SMIM9: variants seen among roughly 807,000 people sequenced by gnomAD.
SMIM9 encodes chromosome X open reading frame 68.
SMIM9 carries 8 observed loss-of-function variants against 7.2 expected under a neutral mutation model. That is an observed-to-expected ratio of 1.10 (90% CI 0.65 to 1.99). The LOEUF is 1.99. Ranked by LOEUF, SMIM9 falls within the 30% of genes most tolerant of loss-of-function variation. SMIM9 has a pLI of 0.00. For synonymous variants in SMIM9, 19 were observed against 26.4 expected, an observed-to-expected ratio of 0.72 and a Z score of 0.86; for missense variants, 76 against 69.3, an observed-to-expected ratio of 1.10 and a Z score of -0.34.
chrX:154,826,039 G>A (rs1246449845), intron 4 of SMIM9, among the ~76,000 whole-genome samples: 1 of 109,631 alleles, frequency 9.1e-6, no homozygotes, highest in Non-Finnish European at 1.9e-5. Context: ...CCTGCACGTT[G>A]TGCACATGTA....
intron 3 of SMIM9, among the ~76,000 whole-genome samples, chrX:154,830,029 GC>G (rs1761755606): frequency 9.0e-6 from 1 of 111,725 alleles, no homozygotes; most frequent in Non-Finnish European, 1.9e-5. Context: ...CCTGCAGGAG[GC>G]TGAGGAGAGG....
intron 4 of SMIM9, 98 bp downstream of exon 4, chrX:154,829,437 A>G: frequency 2.0e-6 from 2 of 985,183 alleles, no homozygotes; most frequent in Non-Finnish European, 2.7e-6. Context: ...ACTTTCCCTT[A>G]ATTACAGATA....
chrX:154,824,310 C>G (rs1417597935), intron 4 of SMIM9, among the ~76,000 whole-genome samples: 1 of 90,655 alleles, frequency 1.1e-5, no homozygotes, highest in Non-Finnish European at 2.1e-5. Context: ...GAGCCGAGAT[C>G]ACGCCACTGC....
chrX:154,830,824 A>T lies in SMIM9; in HGVS notation c.33T>A (p.Phe11Leu). 2 of 1,167,015 alleles carry T rather than the reference A, an allele frequency of 1.7e-6. No homozygotes were observed. The highest frequency in any genetic ancestry group is 2.3e-6 in the Non-Finnish European group (2 of 872,602). The change falls in exon 3 of 5, where the codon TTT becomes TTA. Residue 11 changes from phenylalanine to leucine, a missense_variant. Coordinates refer to ENST00000369529, the MANE Select transcript of SMIM9 (RefSeq NM_001162936.4). ...AGAGGCAAGTTAGAGAGCATAGCAGAAATCCAATTATCAGCAGCTTCTGGG... is the reference window on the plus strand; with the variant it reads ...AGAGGCAAGTTAGAGAGCATAGCAGTAATCCAATTATCAGCAGCTTCTGGG... MEPQKLLIIGFLLCSLTCLLL... is the reference protein window; with the variant it reads MEPQKLLIIGLLLCSLTCLLL...
chrX:154,828,185 TG>T (rs782605798), intron 4 of SMIM9, among the ~76,000 whole-genome samples: 1 of 112,012 alleles, frequency 8.9e-6, no homozygotes, highest in Non-Finnish European at 1.9e-5. Context: ...CACTCATCAC[TG>T]TGTCCAGCTC....
chrX:154,828,500 A>T (rs1404664230), intron 4 of SMIM9, among the ~76,000 whole-genome samples: 5 of 111,272 alleles, frequency 4.5e-5, no homozygotes, highest in African/African-American at 1.6e-4. Context: ...GGGAGGCTCT[A>T]CTGATCCATT....
chrX:154,830,839 C>G lies in SMIM9; in HGVS notation c.18G>C (p.Leu6=). 3 of 1,167,191 alleles carry G rather than the reference C, an allele frequency of 2.6e-6. No homozygotes were observed. In the African/African-American group the frequency reaches 5.3e-5, roughly 21 times the overall value. The change falls in exon 3 of 5, where the codon CTG becomes CTC. Residue 6 remains leucine, a synonymous_variant. Coordinates refer to ENST00000369529, the MANE Select transcript of SMIM9 (RefSeq NM_001162936.4). MEPQK[L]LIIGFLLCSL... is the part of the protein sequence containing the mutation. ...AGCATAGCAGAAATCCAATTATCAGCAGCTTCTGGGGTTCCATGGACTCCC... is the reference window on the plus strand; with the variant it reads ...AGCATAGCAGAAATCCAATTATCAGGAGCTTCTGGGGTTCCATGGACTCCC...
rs992988999 is a variant in SMIM9 at position 154,823,759 on chromosome X, T to C, written c.296A>G (p.His99Arg). 18 of 1,162,162 alleles carry C rather than the reference T, an allele frequency of 1.5e-5. No homozygotes were observed. The Admixed American group carries it at 4.2e-4, about 27-fold the overall frequency. ...CCTGTTGAATCTTCTAGTTCTTCAG[T>C]GGACTGGATCAACTACAAGAATGCT... ...CFTILVVDPV[H>R] is the part of the protein sequence containing the mutation. Residue 99 changes from histidine (H) to arginine (R), a missense_variant, in exon 5 of 5, where the codon CAC becomes CGC. By Grantham distance (29) the His-to-Arg change is conservative (BLOSUM62 0). Transcript: ENST00000369529.
Position 154,823,744 on chromosome X carries a change from C to A in SMIM9, c.*11G>T. On this transcript the variant is annotated 3_prime_UTR_variant, in exon 5 of 5. Coordinates refer to ENST00000369529, the MANE Select transcript of SMIM9 (RefSeq NM_001162936.4). ...AGAGACCACACTTGCCCTGTTGAAT[C>A]TTCTAGTTCTTCAGTGGACTGGATC... 1 of 1,161,329 alleles carries A rather than the reference C, an allele frequency of 8.6e-7. No homozygotes were observed. The highest frequency in any genetic ancestry group is 1.1e-6 in the Non-Finnish European group (1 of 870,346).
rs782068409 is a variant in SMIM9 at position 154,829,525 on chromosome X, AGAAGCTTACGT to A, written c.271_272+9del. ...TCTCCTCCCTGTCTCTTCTTCCCAC[AGAAGCTTACGT>A]GAAGCAGCAGAGGATCCCCATTAGT... On this transcript the variant is annotated splice_donor_variant and splice_donor_5th_base_variant and coding_sequence_variant and intron_variant, in exon 4 of 5. Coordinates refer to ENST00000369529, the MANE Select transcript of SMIM9 (RefSeq NM_001162936.4). LOFTEE classifies it high-confidence loss of function. 5 of 1,164,321 alleles carry A rather than the reference AGAAGCTTACGT, an allele frequency of 4.3e-6. No individual in the cohort carries two copies. The East Asian group carries it at 1.3e-4, about 30-fold the overall frequency.
intron 4 of SMIM9, among the ~76,000 whole-genome samples, chrX:154,825,667 A>T (rs2072418369): frequency 9.1e-6 from 1 of 109,693 alleles, no homozygotes; most frequent in African/African-American, 3.3e-5. Flanking sequence ...CTTGGAACCA[A>T]CCCAAATGTC....
chrX:154,825,249 G>A (rs1020970871), intron 4 of SMIM9, among the ~76,000 whole-genome samples: 6 of 110,985 alleles, frequency 5.4e-5, no homozygotes, highest in South Asian at 3.8e-4. Context: ...TCAGCTGGCT[G>A]GGCGTGGTGA....
intron 4 of SMIM9, among the ~76,000 whole-genome samples, chrX:154,828,916 C>T (rs893521893): frequency 9.0e-6 from 1 of 111,664 alleles, no homozygotes; most frequent in African/African-American, 3.3e-5. Flanking sequence ...TATTTCCTGA[C>T]CTCATCTCTT....
chrX:154,828,282 G>A (rs1047125193), intron 4 of SMIM9, among the ~76,000 whole-genome samples: 1 of 111,034 alleles, frequency 9.0e-6, no homozygotes, highest in Non-Finnish European at 1.9e-5. Flanking sequence ...ACTAAAACGA[G>A]TTATATGCTC....
chrX:154,823,601 G>T lies in SMIM9; in HGVS notation c.*154C>A. ...TTCACATTTTAAAATTGCAACTTTTGAAGGAGAAAATGAAGGCAAAGGATG... is the reference window on the plus strand; with the variant it reads ...TTCACATTTTAAAATTGCAACTTTTTAAGGAGAAAATGAAGGCAAAGGATG... On this transcript the variant is annotated 3_prime_UTR_variant, in exon 5 of 5. Coordinates refer to ENST00000369529, the MANE Select transcript of SMIM9 (RefSeq NM_001162936.4). 2.1e-6 allele frequency: 1 copy of T among 467,017 alleles called. No homozygotes were observed. Among genetic ancestry groups the T allele is most frequent in the African/African-American group, 2.4e-5 (1 of 41,005 alleles). The allele number at this position is 467,017 out of a possible 1,213,427, so 38.5% of individuals were successfully genotyped here. A position where few individuals can be genotyped will look rare whatever the true frequency, so the allele number is the denominator to read the frequency against.
intron 4 of SMIM9, among the ~76,000 whole-genome samples, chrX:154,825,118 G>A (rs915854219): frequency 1.4e-4 from 16 of 111,786 alleles, no homozygotes; most frequent in South Asian, 7.4e-4. Flanking sequence ...GGCTGGGCGC[G>A]GTGACTCACG....
intron 1 of SMIM9, 33 bp downstream of exon 1, chrX:154,834,530 C>A (rs781885009): frequency 8.9e-6 from 1 of 112,422 alleles, no homozygotes; most frequent in East Asian, 2.8e-4. Context: ...AAATGACCTC[C>A]AACTTAGCAA....
chrX:154,826,035 C>T (rs1557270225), intron 4 of SMIM9, among the ~76,000 whole-genome samples: 1 of 108,354 alleles, frequency 9.2e-6, no homozygotes, highest in South Asian at 4.1e-4. Context: ...CAAACCTGCA[C>T]GTTGTGCACA....
At position 154,823,522 on chromosome X, in the gene SMIM9, T is replaced by A. The variant is rs1186845418; in HGVS notation, c.*233A>T. ...TACTCTTTTCTCTGTATTTCTCAAA[T>A]TTTTTTTGCAATAAATATGTATTAC... On this transcript the variant is annotated 3_prime_UTR_variant, in exon 5 of 5. Coordinates refer to ENST00000369529, the MANE Select transcript of SMIM9 (RefSeq NM_001162936.4). 1.9e-4 allele frequency: 52 copies of A among 278,756 alleles called. No homozygotes were observed. Among genetic ancestry groups the A allele is most frequent in the Non-Finnish European group, 2.8e-4 (45 of 159,083 alleles). 23.0% of individuals were successfully genotyped at this position (278,756 alleles called of 1,213,427 possible). A position where few individuals can be genotyped will look rare whatever the true frequency, so the allele number is the denominator to read the frequency against.
Sources: allele counts gnomAD v4.1 joint callset (sites outside exome capture counted in the v4.1 genomes callset), GRCh38; gene constraint gnomAD v4.1.1; transcripts MANE v1.5; gene names NCBI Gene and HGNC (gene_info 2026-07-23, HGNC 2026-07-21).